SYNE2: variants seen among roughly 807,000 people sequenced by gnomAD.
SYNE2 encodes spectrin repeat containing nuclear envelope protein 2.
Under a neutral mutation model 856.3 loss-of-function variants are expected in SYNE2, and 431 were observed. The ratio of observed to expected loss-of-function variants is 0.50; its 90% CI spans 0.47 to 0.55. The LOEUF is 0.55. SYNE2 is among the 20% of genes least tolerant of loss of function. The pLI is 0.00. For missense variants in SYNE2, 8,129 were observed against 8,023.2 expected, an observed-to-expected ratio of 1.01 and a Z score of -0.50; for synonymous variants, 2,923 against 2,872.3, an observed-to-expected ratio of 1.02 and a Z score of -0.56.
intron 2 of SYNE2, among the ~76,000 whole-genome samples, chr14:63,921,635 C>A (rs1566805283): frequency 6.6e-6 from 1 of 152,054 alleles, no homozygotes; most frequent in Non-Finnish European, 1.5e-5. Context: ...CCATTAGGTT[C>A]AACAATGGAA....
chr14:64,114,205 T>G (rs2097836592), intron 66 of SYNE2, among the ~76,000 whole-genome samples: 1 of 152,160 alleles, frequency 6.6e-6, no homozygotes, highest in Non-Finnish European at 1.5e-5. Context: ...CGCTAGTCGC[T>G]CTGAGTAAAG....
chr14:64,050,855 T>A (rs1430750741), intron 47 of SYNE2, among the ~76,000 whole-genome samples: 2 of 151,884 alleles, frequency 1.3e-5, no homozygotes, highest in Non-Finnish European at 2.9e-5. Context: ...CCTGTTTCTC[T>A]AAAAATACAA....
Position 64,052,739 on chromosome 14 carries a change from A to G in SYNE2, c.8826A>G (p.Ile2942Met), listed in dbSNP as rs2097236802. 6.2e-7 allele frequency: 1 copy of G among 1,613,260 alleles called. No homozygotes were observed. The highest frequency in any genetic ancestry group is 8.5e-7 in the Non-Finnish European group (1 of 1,179,522). ...CATGTAATGAAGTGGAACACAAGATAAAGTTTTGCAGACAATTCCATGAAA... is the reference window on the plus strand; with the variant it reads ...CATGTAATGAAGTGGAACACAAGATGAAGTTTTGCAGACAATTCCATGAAA... ...QNTCNEVEHK[I>M]KFCRQFHEKT... Residue 2942 changes from isoleucine (I) to methionine (M), a missense_variant, in exon 48 of 116, where the codon ATA becomes ATG. Physicochemically the swap from Ile to Met is conservative, Grantham distance 10. Coordinates refer to ENST00000555002, the MANE Select transcript of SYNE2 (RefSeq NM_182914.3).
intron 32 of SYNE2, among the ~76,000 whole-genome samples, chr14:64,014,929 TTATATATATATATATATATATATATATA>T (rs372523173): frequency 0.049 from 3,863 of 78,860 alleles, 274 homozygotes; most frequent in African/African-American, 0.16. Flanking sequence ...GTATAATTCC[TTATATATATATATATATATATATATATA>T]TATATATATA....
intron 6 of SYNE2, among the ~76,000 whole-genome samples, chr14:63,946,308 G>T (rs2096026135): frequency 6.6e-6 from 1 of 151,732 alleles, no homozygotes; most frequent in Admixed American, 6.6e-5. Flanking sequence ...CCTGCCTGTG[G>T]TCCCAGCTTC....
chr14:63,957,006 C>T (rs1045093867), intron 8 of SYNE2, among the ~76,000 whole-genome samples: 3 of 152,128 alleles, frequency 2.0e-5, no homozygotes, highest in African/African-American at 7.2e-5. Flanking sequence ...TTGCTAATTA[C>T]ATTTCACATA....
chr14:64,216,860 G>A (rs939526816), intron 108 of SYNE2, among the ~76,000 whole-genome samples: 1 of 152,188 alleles, frequency 6.6e-6, no homozygotes, highest in African/African-American at 2.4e-5. Context: ...AAGTAGCTGC[G>A]ATTACAGGTG....
intron 103 of SYNE2, among the ~76,000 whole-genome samples, chr14:64,211,544 G>A (rs770901497): frequency 2.6e-5 from 4 of 152,218 alleles, no homozygotes; most frequent in African/African-American, 4.8e-5. Flanking sequence ...AAATCCTTCC[G>A]TCAAGCAAAA....
At chr14:64,023,655 G>A (rs2153536200) in intron 38 of SYNE2, 1 of 156,830 alleles carries the variant, frequency 6.4e-6, no homozygotes, top group East Asian at 1.9e-4. Context: ...GCGTATGAAA[G>A]GCCTGTGGTA....
intron 1 of SYNE2, among the ~76,000 whole-genome samples, chr14:63,776,089 G>A (rs1280067341): frequency 6.6e-6 from 1 of 152,144 alleles, no homozygotes; most frequent in Non-Finnish European, 1.5e-5. Context: ...GATTACCATG[G>A]TAGCAGATGA....
Position 64,165,293 on chromosome 14 carries a change from C to G in SYNE2, c.16488C>G (p.Leu5496=). The change falls in exon 90 of 116, where the codon CTC becomes CTG. Residue 5496 remains leucine, a synonymous_variant. Coordinates refer to ENST00000555002, the MANE Select transcript of SYNE2 (RefSeq NM_182914.3). ...LVKANEFEFV[L]SQFKDFGVRL... ...AATTTCTCTTGTTCTAGTTTGTTCT[C>G]TCACAGTTTAAGGATTTTGGAGTCC... The G allele has an allele frequency of 6.2e-7, 1 of 1,613,740 alleles. No individual in the cohort carries two copies. The highest frequency in any genetic ancestry group is 8.5e-7 in the Non-Finnish European group (1 of 1,179,742).
intron 1 of SYNE2, among the ~76,000 whole-genome samples, chr14:63,767,736 C>T (rs1183702011): frequency 1.3e-5 from 2 of 152,160 alleles, no homozygotes; most frequent in African/African-American, 4.8e-5. Flanking sequence ...TTTGCACTAT[C>T]ACCCTCATAT....
At chr14:64,152,858 T>C in intron 85 of SYNE2, 142 bp downstream of exon 85, 1 of 1,106,226 alleles carries the variant, frequency 9.0e-7, no homozygotes, top group Non-Finnish European at 1.3e-6. Flanking sequence ...TGAAGTAAAT[T>C]AGAAGCATTT....
At chr14:63,932,859 T>C (rs2095781765) in intron 2 of SYNE2, among the ~76,000 whole-genome samples, 1 of 152,174 alleles carries the variant, frequency 6.6e-6, no homozygotes, top group Non-Finnish European at 1.5e-5. Flanking sequence ...AGAGTGGCGA[T>C]GCAGAAAAGG....
chr14:64,037,912 C>T (rs1269858041), intron 45 of SYNE2, among the ~76,000 whole-genome samples: 2 of 151,356 alleles, frequency 1.3e-5, no homozygotes, highest in African/African-American at 4.8e-5. Context: ...ACCTCCCTCC[C>T]GGACCGGGCG....
At chr14:63,983,601 G>A (rs2096603036) in intron 17 of SYNE2, 136 bp from the exon 18 acceptor site, 3 of 732,366 alleles carry the variant, frequency 4.1e-6, no homozygotes, top group Non-Finnish European at 6.7e-6. Context: ...TATGTGAAAT[G>A]CTCATATTTT....
At chr14:64,224,382 G>A in intron 113 of SYNE2, 79 bp from the exon 114 acceptor site, 1 of 1,170,850 alleles carries the variant, frequency 8.5e-7, no homozygotes. Flanking sequence ...TTGATTTAAG[G>A]TAGGGGAGGG....
chr14:63,951,373 A>G lies in SYNE2; in HGVS notation c.590+1367A>G, dbSNP rs547774158. Among the ~76,000 whole-genome samples the G allele has an allele frequency of 1.9e-4, 29 of 151,854 alleles. 1 individual carries two copies. The East Asian group carries it at 4.1e-3, about 21-fold the overall frequency. ...GCTGGAGTGCAGTGGCACGATCTCAACTCACTGCAACCTGCACCTCCTGGG... is the reference window on the plus strand; with the variant it reads ...GCTGGAGTGCAGTGGCACGATCTCAGCTCACTGCAACCTGCACCTCCTGGG... On this transcript the variant is annotated intron_variant, in intron 7 of 115. Transcript: ENST00000555002.
chr14:64,151,097 C>T (rs1002435517), intron 84 of SYNE2, among the ~76,000 whole-genome samples: 7 of 152,168 alleles, frequency 4.6e-5, no homozygotes, highest in Admixed American at 6.5e-5. Flanking sequence ...TCCATTCTCT[C>T]ATCATCCGTT....
Sources: allele counts gnomAD v4.1 joint callset (sites outside exome capture counted in the v4.1 genomes callset), GRCh38; gene constraint gnomAD v4.1.1; transcripts MANE v1.5; gene names NCBI Gene and HGNC (gene_info 2026-07-23, HGNC 2026-07-21).